The following DNAH2 variants were observed in gnomAD, a reference collection of about 807,000 sequenced individuals.
DNAH2 encodes the protein axonemal beta dynein heavy chain 2.
Under a neutral mutation model 523.5 loss-of-function variants are expected in DNAH2, and 323 were observed. The ratio of observed to expected loss-of-function variants is 0.62; its 90% confidence interval spans 0.56 to 0.68. The LOEUF (loss-of-function observed/expected upper bound fraction) is 0.68, where lower values mean the gene tolerates loss of function less well. Ranked by LOEUF, DNAH2 falls within the 30% of genes least tolerant of loss-of-function variation. The pLI, the probability that DNAH2 is intolerant of heterozygous loss-of-function variation, is 0.00. For synonymous variants in DNAH2, 2,093 were observed against 2,177.4 expected (o/e 0.96, Z 1.08); for missense variants, 4,907 against 5,701.5 (o/e 0.86, Z 4.49).
chr17:7,735,912 C>G (rs1183792707), intron 7 of DNAH2, among the ~76,000 whole-genome samples: 1 of 152,062 alleles, frequency 6.6e-6, no homozygotes. Context: ...ACCACCATGC[C>G]TGGCTAGTTT....
At chr17:7,827,122 T>G (rs2078041777) in intron 77 of DNAH2, among the ~76,000 whole-genome samples, 1 of 152,152 alleles carries the variant, frequency 6.6e-6, no homozygotes, top group Non-Finnish European at 1.5e-5. Context: ...CATGATGTTC[T>G]TCGCGTTTTG....
Position 7,767,977 on chromosome 17 carries a change from G to T in DNAH2, c.3753G>T (p.Arg1251=), listed in dbSNP as rs2076215469. 2.5e-6 allele frequency: 4 copies of T among 1,614,156 alleles called. No homozygotes were observed. In the African/African-American group the frequency reaches 4.0e-5, roughly 16 times the overall value. Residue 1251 remains arginine, a synonymous_variant, in exon 23 of 86, where the codon CGG becomes CGT. Coordinates refer to ENST00000572933, the MANE Select transcript of DNAH2 (RefSeq NM_020877.5). The part of the protein sequence containing the change: ...EENWNEWKTG[R]FLILQTETME... ...ACTGGAATGAGTGGAAGACTGGCCG[G>T]TTCCTGATCCTGCAGACGGAAACCA...
intron 56 of DNAH2, among the ~76,000 whole-genome samples, chr17:7,800,029 G>C (rs944138976): frequency 3.3e-5 from 5 of 152,188 alleles, no homozygotes; most frequent in Admixed American, 6.5e-5. Context: ...CCTCACATAG[G>C]TGGAACCATG....
Position 7,797,670 on chromosome 17 carries a change from C to T in DNAH2, c.8081-10C>T, listed in dbSNP as rs766501180. On this transcript the variant is annotated splice_polypyrimidine_tract_variant and intron_variant, in intron 52 of 85. Coordinates refer to ENST00000572933, the MANE Select transcript of DNAH2 (RefSeq NM_020877.5). ...ATTTGTGACTCTGATCCCCTCTTCC[C>T]ATGGCTCAGGGGATTTCCTGAAGGA... is the stretch of plus-strand genomic sequence containing the variant. The T allele has an allele frequency of 3.1e-6, 5 of 1,613,972 alleles. No homozygotes were observed. The highest frequency in any genetic ancestry group is 4.2e-6 in the Non-Finnish European group (5 of 1,180,038).
intron 12 of DNAH2, among the ~76,000 whole-genome samples, chr17:7,749,306 CCCAAAAAA>C (rs2075606938): frequency 5.7e-4 from 2 of 3,504 alleles, no homozygotes; most frequent in Admixed American, 3.0e-3. Flanking sequence ...TAAACTCCCC[CCCAAAAAA>C]AAAAAAAAAA....
intron 24 of DNAH2, 49 bp downstream of exon 24, chr17:7,768,316 G>A (rs762767733): frequency 7.9e-5 from 126 of 1,598,240 alleles, no homozygotes; most frequent in Non-Finnish European, 1.1e-4. Context: ...CCGCTGGCCT[G>A]CGCCACCACT....
rs1567751854 is a variant in DNAH2, at chr17:7,818,718, G to A, written c.10612G>A (p.Val3538Ile). 6.2e-7 allele frequency: 1 copy of A among 1,614,116 alleles called. No individual in the cohort carries two copies. The highest frequency in any genetic ancestry group is 8.5e-7 in the Non-Finnish European group (1 of 1,180,014). ...GCTGGAGGAGCAGAAGGACTCACTG[G>A]TCATCAACATCGCGGCTGGTAAAAG... ...PELEEQKDSL[V>I]INIAAGKRKL... The change falls in exon 70 of 86, where the codon GTC (valine) becomes ATC (isoleucine). Residue 3538 changes from valine to isoleucine, a missense_variant. Val to Ile is a conservative substitution (Grantham distance 29). This residue lies in a region of DNAH2 where 1,851 missense variants were observed against 2,139.4 expected (regional missense o/e 0.87). Coordinates refer to ENST00000572933, the MANE Select transcript of DNAH2 (RefSeq NM_020877.5).
intron 79 of DNAH2, 62 bp downstream of exon 79, chr17:7,830,904 CA>C (rs1364890428): frequency 1.9e-6 from 3 of 1,600,734 alleles, no homozygotes; most frequent in African/African-American, 2.7e-5. Context: ...GTGGTGGGAT[CA>C]GGGGTGGGGG....
At chr17:7,759,993 G>A (rs747330719) in intron 17 of DNAH2, 55 bp downstream of exon 17, 165 of 1,611,786 alleles carry the variant, frequency 1.0e-4, no homozygotes, top group Non-Finnish European at 1.4e-4. Context: ...CTGTCGAGTG[G>A]GCCAGGCCAG....
chr17:7,777,876 A>G (rs2076499070), intron 33 of DNAH2, among the ~76,000 whole-genome samples: 1 of 152,158 alleles, frequency 6.6e-6, no homozygotes, highest in African/African-American at 2.4e-5. Flanking sequence ...CAGCTGCTGC[A>G]TTGGGTCGGG....
chr17:7,746,205 G>A (rs2075513864), intron 12 of DNAH2, among the ~76,000 whole-genome samples: 1 of 152,090 alleles, frequency 6.6e-6, no homozygotes. Flanking sequence ...CTTTACAAAG[G>A]GCTAATATAG....
intron 18 of DNAH2, 147 bp downstream of exon 18, chr17:7,761,079 T>C (rs1034033673): frequency 2.9e-6 from 3 of 1,029,658 alleles, no homozygotes; most frequent in Non-Finnish European, 4.2e-6. Flanking sequence ...CCTAGGACAT[T>C]GGACCTTTGC....
chr17:7,800,123 C>T (rs906249640), intron 56 of DNAH2, among the ~76,000 whole-genome samples: 1 of 152,234 alleles, frequency 6.6e-6, no homozygotes, highest in African/African-American at 2.4e-5. Context: ...GTGATCTCGA[C>T]TCACTGCAGC....
chr17:7,773,579 C>T (rs1168170326), intron 28 of DNAH2, among the ~76,000 whole-genome samples: 1 of 152,172 alleles, frequency 6.6e-6, no homozygotes, highest in Non-Finnish European at 1.5e-5. Context: ...TCGTGTCTCC[C>T]TCCCATAAAT....
chr17:7,758,627 G>A lies in DNAH2; in HGVS notation c.2184G>A (p.Thr728=), dbSNP rs369013628. The stretch of plus-strand genomic sequence containing the variant: ...AGGGGGCCAGTGCCTTCTTCATCAC[G>A]GAGTGCCGTATACATGCCAGCAAGG... The part of the protein sequence containing the change: ...ALKGASAFFI[T]ECRIHASKVQ... The change falls in exon 14 of 86, where the codon ACG becomes ACA. Residue 728 remains threonine (T), a synonymous_variant. Coordinates refer to ENST00000572933, the MANE Select transcript of DNAH2 (RefSeq NM_020877.5). 1.2e-5 allele frequency: 20 copies of A among 1,613,818 alleles called. No homozygotes were observed. The East Asian group carries it at 2.4e-4, about 20-fold the overall frequency.
At chr17:7,767,508 C>G (rs1477931832) in intron 22 of DNAH2, among the ~76,000 whole-genome samples, 1 of 152,090 alleles carries the variant, frequency 6.6e-6, no homozygotes, top group Non-Finnish European at 1.5e-5. Flanking sequence ...TTTTGAGGAG[C>G]TGCCAAGCCA....
intron 4 of DNAH2, among the ~76,000 whole-genome samples, chr17:7,730,266 G>A (rs2074946251): frequency 6.6e-6 from 1 of 152,122 alleles, no homozygotes; most frequent in South Asian, 2.1e-4. Flanking sequence ...GAACTGAATA[G>A]CTAACCCAGA....
chr17:7,807,536 C>T lies in DNAH2; in HGVS notation c.9679C>T (p.Leu3227Phe). The part of the protein sequence containing the change: ...RIRMNAALAQ[L>F]REKQAALAEA... ...CCGAATGAACGCTGCCTTGGCTCAG[C>T]TTCGGGAGAAGCAAGCCGCGCTCGC... Residue 3227 changes from leucine (L) to phenylalanine (F), a missense_variant, in exon 63 of 86, where the codon CTT becomes TTT. Leu to Phe is a conservative substitution (Grantham distance 22). Transcript: ENST00000572933. The surrounding 1 kb of genome is among the most constrained non-coding windows in gnomAD (Gnocchi z 5.6). 1.9e-6 allele frequency: 3 copies of T among 1,613,276 alleles called. No homozygotes were observed. Among genetic ancestry groups the T allele is most frequent in the Non-Finnish European group, 2.5e-6 (3 of 1,180,016 alleles).
At position 7,819,264 on chromosome 17, in the gene DNAH2, T is replaced by A. The variant is rs1215911726; in HGVS notation, c.10871T>A (p.Met3624Lys). ...ATCCTGTTCTTCGTGCTCAATGATATGGGCTGCATCGACCCCATGTACCAG... is the reference window on the plus strand; with the variant it reads ...ATCCTGTTCTTCGTGCTCAATGATAAGGGCTGCATCGACCCCATGTACCAG... Reference protein sequence around the residue: ...ASILFFVLNDMGCIDPMYQFS... With the variant: ...ASILFFVLNDKGCIDPMYQFS... The change falls in exon 72 of 86, where the codon ATG (methionine) becomes AAG (lysine). Residue 3624 changes from methionine to lysine, a missense_variant. Transcript: ENST00000572933. 1 of 1,614,080 alleles carries A rather than the reference T, an allele frequency of 6.2e-7. No individual in the cohort carries two copies. Among genetic ancestry groups the A allele is most frequent in the African/African-American group, 1.3e-5 (1 of 74,954 alleles).
Sources: gnomAD v4.1 joint callset for allele counts (sites outside exome capture counted in the v4.1 genomes callset) on GRCh38, gnomAD v4.1.1 for gene constraint, gnomAD v4.1.1 regional missense constraint, Gnocchi (gnomAD v3.1) non-coding constraint, MANE v1.5 for transcripts, NCBI Gene and HGNC (gene_info 2026-07-23, HGNC 2026-07-21) for gene names.